Variants in PRPF3 observed in about 807,000 individuals in gnomAD.
PRPF3 encodes the protein U4/U6 small nuclear ribonucleoprotein Prp3.
PRPF3 carries 3 observed loss-of-function variants against 89.2 expected under a neutral mutation model. The observed-to-expected ratio is 0.03, with a 90% CI of 0.02 to 0.09. The LOEUF (loss-of-function observed/expected upper bound fraction) is 0.09. Among genes scored for constraint, PRPF3 ranks in the 10% least tolerant of loss-of-function variants. PRPF3 has a pLI of 1.00. For missense variants in PRPF3, 463 were observed against 828.8 expected (o/e 0.56, Z 5.42); for synonymous variants, 270 against 289.1 (o/e 0.93, Z 0.67).
At chr1:150,347,975 AAATTGT>A (rs1658461857) in intron 14 of PRPF3, among the ~76,000 whole-genome samples, 2 of 152,170 alleles carry the variant, frequency 1.3e-5, no homozygotes, top group South Asian at 4.2e-4. Flanking sequence ...TCAAGGCAAA[AAATTGT>A]AAGTCAAGGA....
chr1:150,336,510 C>A (rs782702013), intron 7 of PRPF3, among the ~76,000 whole-genome samples: 1 of 152,138 alleles, frequency 6.6e-6, no homozygotes, highest in Non-Finnish European at 1.5e-5. Context: ...GTAATCCCAG[C>A]GCTTTGGGAG....
chr1:150,333,696 ATCT>A (rs1396516325), intron 6 of PRPF3, among the ~76,000 whole-genome samples: 4 of 152,276 alleles, frequency 2.6e-5, no homozygotes, highest in Admixed American at 6.5e-5. Context: ...AGGGTTTATT[ATCT>A]TCTTATGATT....
chr1:150,323,685 C>G (rs1366308595), intron 1 of PRPF3, among the ~76,000 whole-genome samples: 1 of 151,784 alleles, frequency 6.6e-6, no homozygotes, highest in Non-Finnish European at 1.5e-5. Context: ...ATCAAGTCAG[C>G]TGATGGAGAC....
At chr1:150,324,495 G>C (rs1655473828) in intron 1 of PRPF3, among the ~76,000 whole-genome samples, 1 of 151,942 alleles carries the variant, frequency 6.6e-6, no homozygotes, top group African/African-American at 2.4e-5. Flanking sequence ...TCTAGGGATT[G>C]AGAATAGGGC....
chr1:150,323,674 C>T (rs1655359512), intron 1 of PRPF3, among the ~76,000 whole-genome samples: 2 of 151,730 alleles, frequency 1.3e-5, no homozygotes, highest in Non-Finnish European at 1.5e-5. Context: ...GCTGAAGGAT[C>T]ATCAAGTCAG....
chr1:150,331,262 C>T (rs1327842560), intron 4 of PRPF3, among the ~76,000 whole-genome samples: 1 of 152,208 alleles, frequency 6.6e-6, no homozygotes, highest in Non-Finnish European at 1.5e-5. Flanking sequence ...TGGTCTCGAT[C>T]TCCTGACCTC....
intron 7 of PRPF3, 40 bp downstream of exon 7, chr1:150,335,281 TAAG>T: frequency 6.3e-7 from 1 of 1,576,724 alleles, no homozygotes; most frequent in African/African-American, 1.3e-5. Context: ...TGGAAAAAGT[TAAG>T]AAGCTGACAA....
intron 9 of PRPF3, among the ~76,000 whole-genome samples, chr1:150,340,948 A>G (rs940533362): frequency 1.6e-4 from 25 of 151,614 alleles, no homozygotes; most frequent in African/African-American, 6.1e-4. Context: ...TCTACAAAAA[A>G]TAAAAAATCA....
intron 1 of PRPF3, 25 bp from the exon 2 acceptor site, chr1:150,324,870 T>C (rs1655528278): frequency 6.7e-7 from 1 of 1,494,544 alleles, no homozygotes; most frequent in Non-Finnish European, 9.0e-7. Flanking sequence ...TCTTATTCTC[T>C]AACTTGTCTC....
intron 7 of PRPF3, among the ~76,000 whole-genome samples, chr1:150,336,413 A>G (rs1402076812): frequency 6.6e-6 from 1 of 152,148 alleles, no homozygotes; most frequent in African/African-American, 2.4e-5. Context: ...TGTGCAGCCC[A>G]GTTCCTAAAA....
Position 150,348,754 on chromosome 1 carries a change from CGCTGGCCGATAAT to C in PRPF3, c.1844-402_1844-390del. ...CTAGGATTACAGGCGTGAGCCACCACGCTGGCCGATAATTTTGATTTGGTATATCTGCCCTCCT... is the reference window on the plus strand; with the variant it reads ...CTAGGATTACAGGCGTGAGCCACCACTTTGATTTGGTATATCTGCCCTCCT... On this transcript the variant is annotated intron_variant, in intron 14 of 15. Coordinates refer to ENST00000324862, the MANE Select transcript of PRPF3 (RefSeq NM_004698.4). 4 of 258,114 alleles carry C rather than the reference CGCTGGCCGATAAT, an allele frequency of 1.5e-5. No individual in the cohort carries two copies. The South Asian group carries it at 1.8e-4, about 12-fold the overall frequency. 16.0% of individuals were successfully genotyped at this position (258,114 alleles called of 1,614,324 possible).
intron 4 of PRPF3, 71 bp from the exon 5 acceptor site, chr1:150,332,613 G>A (rs1470714804): frequency 1.6e-5 from 23 of 1,474,770 alleles, no homozygotes; most frequent in Non-Finnish European, 2.1e-5. Context: ...AGCCTTGTGG[G>A]TTTAAAAACC....
At chr1:150,324,712 T>A (rs77798737) in intron 1 of PRPF3, among the ~76,000 whole-genome samples, 183 bp from the exon 2 acceptor site, 1 of 151,884 alleles carries the variant, frequency 6.6e-6, no homozygotes, top group Non-Finnish European at 1.5e-5. Flanking sequence ...GCCCAGCTAA[T>A]TTTTTTGTAT....
chr1:150,348,479 TGAGATGGAGTC>T (rs1658548563), intron 14 of PRPF3, among the ~76,000 whole-genome samples: 10 of 139,266 alleles, frequency 7.2e-5, no homozygotes, highest in Non-Finnish European at 7.7e-5. Context: ...TTTTTTTTTT[TGAGATGGAGTC>T]TTTGCTCTTT....
At chr1:150,334,856 A>G in intron 6 of PRPF3, 79 bp from the exon 7 acceptor site, 2 of 1,540,400 alleles carry the variant, frequency 1.3e-6, no homozygotes, top group Non-Finnish European at 1.8e-6. Flanking sequence ...GGCTTGAGCC[A>G]CCACGCCTGG....
chr1:150,332,907 A>T, intron 5 of PRPF3, 72 bp from the exon 6 acceptor site: 1 of 1,498,612 alleles, frequency 6.7e-7, no homozygotes, highest in Non-Finnish European at 9.3e-7. Context: ...ATGTGTGTGT[A>T]TATCTGTGTG....
rs1480542166 is a variant in PRPF3 at position 150,333,183 on chromosome 1, A to G, written c.712A>G (p.Met238Val). The G allele has an allele frequency of 6.2e-7, 1 of 1,614,160 alleles. No homozygotes were observed. The highest frequency in any genetic ancestry group is 8.5e-7 in the Non-Finnish European group (1 of 1,179,994). ...GGTGGGCCTGGCTAATCTCCATGCC[A>G]TGGGCATTGCTCCCCCGTGAGTGTC... ...NMVGLANLHA[M>V]GIAPPKVELK... Residue 238 changes from methionine (M) to valine (V), a missense_variant, in exon 6 of 16, where the codon ATG becomes GTG. Met to Val is a conservative substitution (Grantham distance 21). Transcript: ENST00000324862.
chr1:150,335,160 C>T lies in PRPF3; in HGVS notation c.954C>T (p.Ala318=), dbSNP rs1553866968. ...NTFFDPRVSI[A]PSQRQRRTFK... is the part of the protein sequence containing the mutation. ...TTTTTGACCCCCGAGTCTCCATTGC[C>T]CCTTCCCAGCGCCAGAGACGCACTT... The change falls in exon 7 of 16, where the codon GCC becomes GCT. Residue 318 remains alanine (A), a synonymous_variant. Coordinates refer to ENST00000324862, the MANE Select transcript of PRPF3 (RefSeq NM_004698.4). 1 of 1,614,042 alleles carries T rather than the reference C, an allele frequency of 6.2e-7. No homozygotes were observed. The highest frequency in any genetic ancestry group is 8.5e-7 in the Non-Finnish European group (1 of 1,179,984).
Position 150,325,670 on chromosome 1 carries a change from G to A in PRPF3, c.146-81G>A. The A allele has an allele frequency of 3.9e-6, 6 of 1,545,342 alleles. No individual in the cohort carries two copies. The Admixed American group carries it at 6.8e-5, about 17-fold the overall frequency. On this transcript the variant is annotated intron_variant, in intron 2 of 15. Coordinates refer to ENST00000324862, the MANE Select transcript of PRPF3 (RefSeq NM_004698.4). ...TTTCACTCCTGGGAATAAAATTCCA[G>A]TGTTGGTACCTGTTATAGGCCTAGT...
Sources: allele counts gnomAD v4.1 joint callset (sites outside exome capture counted in the v4.1 genomes callset), GRCh38; gene constraint gnomAD v4.1.1; transcripts MANE v1.5; gene names NCBI Gene and HGNC (gene_info 2026-07-23, HGNC 2026-07-21).